Variants in KLHL1 observed in about 807,000 individuals in gnomAD.
The protein encoded by KLHL1 is kelch like family member 1.
A neutral mutation model predicts 77.7 loss-of-function variants in KLHL1; 47 were observed. That is an observed-to-expected ratio of 0.60 (90% CI 0.48 to 0.77). The LOEUF is 0.77. Ranked by LOEUF, KLHL1 falls within the 30% of genes least tolerant of loss-of-function variation. The pLI, the probability that KLHL1 is intolerant of heterozygous loss-of-function variation, is 0.00. For missense variants in KLHL1, 925 were observed against 910.8 expected (o/e 1.02, Z -0.20); for synonymous variants, 360 against 325.2 (o/e 1.11, Z -1.15).
intron 6 of KLHL1, among the ~76,000 whole-genome samples, chr13:69,827,709 G>A (rs753266952): frequency 5.9e-4 from 79 of 133,862 alleles, no homozygotes; most frequent in African/African-American, 2.1e-3. Flanking sequence ...CCAGCCTGGC[G>A]ACAGAGCGAG....
intron 1 of KLHL1, among the ~76,000 whole-genome samples, chr13:69,995,199 G>A (rs554334516): frequency 1.3e-5 from 2 of 152,140 alleles, no homozygotes; most frequent in Non-Finnish European, 2.9e-5. Flanking sequence ...ACACTCCCAA[G>A]GCCTACACTA....
chr13:69,994,550 G>A (rs1037789981), intron 1 of KLHL1, among the ~76,000 whole-genome samples: 1 of 152,070 alleles, frequency 6.6e-6, no homozygotes, highest in Non-Finnish European at 1.5e-5. Context: ...CACAAGTTCT[G>A]CACTTACAAG....
intron 7 of KLHL1, among the ~76,000 whole-genome samples, chr13:69,788,621 C>A (rs1876692579): frequency 6.6e-6 from 1 of 151,938 alleles, no homozygotes; most frequent in Admixed American, 6.6e-5. Flanking sequence ...TGTAACAAAC[C>A]TGCACATTGT....
chr13:69,721,219 T>C lies in KLHL1; in HGVS notation c.1803-1638A>G, dbSNP rs890764693. Among the ~76,000 whole-genome samples the C allele has an allele frequency of 6.2e-5, 9 of 144,804 alleles. No individual in the cohort carries two copies. The East Asian group carries it at 1.9e-3, about 31-fold the overall frequency. 95.0% of individuals were successfully genotyped at this position (144,804 alleles called of 152,430 possible). Reference sequence around the variant, plus strand: ...AAGGCTAGTCAGAAACTCAAAAGAATGGAACCACTTGTCTCTTAACCTACC... The same window carrying C: ...AAGGCTAGTCAGAAACTCAAAAGAACGGAACCACTTGTCTCTTAACCTACC... On this transcript the variant is annotated intron_variant, in intron 8 of 10. Transcript: ENST00000377844.
rs547838173 is a variant in KLHL1, at chr13:69,787,335, G to C, written c.1639+9403C>G. ...AAATATAGATCCATGGAACAGAACA[G>C]AGCCCTCAGAAATAATGCCGCATGT... On this transcript the variant is annotated intron_variant, in intron 7 of 10. Coordinates refer to ENST00000377844, the MANE Select transcript of KLHL1 (RefSeq NM_020866.3). 2.0e-5 allele frequency among the ~76,000 whole-genome samples: 3 copies of C among 152,226 alleles called. No homozygotes were observed. In the South Asian group the frequency reaches 6.2e-4, roughly 32 times the overall value.
At chr13:69,919,388 T>C (rs2138260771) in intron 4 of KLHL1, among the ~76,000 whole-genome samples, 1 of 152,256 alleles carries the variant, frequency 6.6e-6, no homozygotes, top group Admixed American at 6.5e-5. Context: ...TTTTCTTTAC[T>C]GGATCCTTTT....
intron 3 of KLHL1, among the ~76,000 whole-genome samples, chr13:69,944,719 A>G (rs749509111): frequency 6.6e-6 from 1 of 152,166 alleles, no homozygotes; most frequent in Non-Finnish European, 1.5e-5. Context: ...AACTGATTAT[A>G]AAATTCATAT....
At chr13:69,815,938 A>G (rs1160347438) in intron 6 of KLHL1, among the ~76,000 whole-genome samples, 1 of 152,068 alleles carries the variant, frequency 6.6e-6, no homozygotes, top group Admixed American at 6.5e-5. Context: ...AATTAACTAT[A>G]CCTTTTAAGA....
At chr13:70,083,961 A>T (rs966468256) in intron 1 of KLHL1, among the ~76,000 whole-genome samples, 2 of 152,148 alleles carry the variant, frequency 1.3e-5, no homozygotes, top group East Asian at 1.9e-4. Flanking sequence ...AATAAAATTT[A>T]AAAAACCCTT....
intron 1 of KLHL1, among the ~76,000 whole-genome samples, chr13:70,015,950 T>C (rs1885646508): frequency 6.6e-6 from 1 of 152,202 alleles, no homozygotes. Flanking sequence ...ACTACATTTC[T>C]ATGGGGTAGA....
intron 1 of KLHL1, among the ~76,000 whole-genome samples, chr13:69,996,288 C>T (rs564492818): frequency 1.3e-4 from 19 of 150,968 alleles, no homozygotes; most frequent in East Asian, 1.2e-3. Context: ...GGTGACACAG[C>T]GAGACTCCGT....
At chr13:69,789,781 C>T (rs1413343841) in intron 7 of KLHL1, among the ~76,000 whole-genome samples, 1 of 152,094 alleles carries the variant, frequency 6.6e-6, no homozygotes, top group African/African-American at 2.4e-5. Flanking sequence ...TAGTGTGCTT[C>T]CAACAAGAGA....
At chr13:69,897,334 T>A (rs1230999970) in intron 4 of KLHL1, among the ~76,000 whole-genome samples, 1 of 152,098 alleles carries the variant, frequency 6.6e-6, no homozygotes, top group Non-Finnish European at 1.5e-5. Flanking sequence ...GTCTTAAAAT[T>A]TTTGGACACC....
At chr13:69,965,037 T>A (rs1884173466) in intron 2 of KLHL1, among the ~76,000 whole-genome samples, 1 of 152,224 alleles carries the variant, frequency 6.6e-6, no homozygotes, top group Non-Finnish European at 1.5e-5. Flanking sequence ...TGTTTTGGTT[T>A]GGTTTGGTTG....
intron 4 of KLHL1, among the ~76,000 whole-genome samples, chr13:69,916,669 A>C (rs1344309337): frequency 6.6e-6 from 1 of 152,110 alleles, no homozygotes; most frequent in Non-Finnish European, 1.5e-5. Context: ...GCAGCACACC[A>C]GCATGGTACA....
chr13:70,104,378 C>T (rs1887995989), intron 1 of KLHL1, among the ~76,000 whole-genome samples: 1 of 152,008 alleles, frequency 6.6e-6, no homozygotes, highest in Non-Finnish European at 1.5e-5. Context: ...ACAATATTTC[C>T]CACTACCTTT....
intron 1 of KLHL1, among the ~76,000 whole-genome samples, chr13:70,062,698 T>C (rs1225067558): frequency 6.6e-6 from 1 of 152,156 alleles, no homozygotes; most frequent in East Asian, 1.9e-4. Context: ...ATAATCAGAC[T>C]TTTATCTGCT....
At chr13:70,001,940 G>C (rs575937740) in intron 1 of KLHL1, among the ~76,000 whole-genome samples, 1 of 151,652 alleles carries the variant, frequency 6.6e-6, no homozygotes, top group East Asian at 1.9e-4. Context: ...ATAAGAGCTG[G>C]CATTCTACTG....
intron 6 of KLHL1, among the ~76,000 whole-genome samples, chr13:69,801,851 GATT>G (rs112749885): frequency 7.2e-5 from 11 of 152,084 alleles, no homozygotes; most frequent in African/African-American, 2.4e-4. Context: ...AATGCCCATT[GATT>G]ATTTTCTTTT....
Sources: gnomAD v4.1 joint callset for allele counts (sites outside exome capture counted in the v4.1 genomes callset) on GRCh38, gnomAD v4.1.1 for gene constraint, MANE v1.5 for transcripts, NCBI Gene and HGNC (gene_info 2026-07-23, HGNC 2026-07-21) for gene names.